Variants in RRAS2 observed in about 807,000 individuals in gnomAD.
RRAS2 encodes the protein RAS related 2.
Under a neutral mutation model 27.6 loss-of-function variants are expected in RRAS2, and 7 were observed. The ratio of observed to expected loss-of-function variants is 0.25; its 90% CI spans 0.14 to 0.48. RRAS2 has a LOEUF of 0.48. Among genes scored for constraint, RRAS2 ranks in the 20% least tolerant of loss-of-function variants. RRAS2 has a pLI of 0.99. For missense variants in RRAS2, 178 were observed against 256.2 expected (o/e 0.69, Z 2.08); for synonymous variants, 86 against 90.9 (o/e 0.95, Z 0.31).
At chr11:14,352,575 C>A (rs1486410951) in intron 1 of RRAS2, among the ~76,000 whole-genome samples, 1 of 152,018 alleles carries the variant, frequency 6.6e-6, no homozygotes. Context: ...ACTGTCTACA[C>A]GCAAAGTGAA....
intron 1 of RRAS2, among the ~76,000 whole-genome samples, chr11:14,352,274 G>C (rs1455847670): frequency 2.0e-5 from 3 of 152,132 alleles, no homozygotes; most frequent in African/African-American, 4.8e-5. Flanking sequence ...TAAACTATAA[G>C]TTAAAGCTGT....
intron 1 of RRAS2, among the ~76,000 whole-genome samples, chr11:14,298,859 G>GT (rs1847626128): frequency 6.6e-6 from 1 of 152,148 alleles, no homozygotes; most frequent in Non-Finnish European, 1.5e-5. Flanking sequence ...CTGTGTGCAG[G>GT]TAACAAATAC....
rs1849130236 is a variant in RRAS2 at position 14,358,466 on chromosome 11, C to G, written c.108+297G>C. 1 of 985,430 alleles carries G rather than the reference C, an allele frequency of 1.0e-6. No individual in the cohort carries two copies. The highest frequency in any genetic ancestry group is 1.2e-6 in the Non-Finnish European group (1 of 829,966). The allele number at this position is 985,430 out of a possible 1,614,324, so 61.0% of individuals were successfully genotyped here. A position where few individuals can be genotyped will look rare whatever the true frequency, so the allele number is the denominator to read the frequency against. On this transcript the variant is annotated intron_variant, in intron 1 of 5. Transcript: ENST00000256196. This position sits in a 1 kb window ranked among gnomAD's most constrained non-coding sequence, Gnocchi z 5.1. ...GTGGCCCAGCCTCTCCCGGAGGTCTCTGGCCTCGGCCAGAGCAATAAGGTG... is the reference window on the plus strand; with the variant it reads ...GTGGCCCAGCCTCTCCCGGAGGTCTGTGGCCTCGGCCAGAGCAATAAGGTG...
At chr11:14,348,807 T>C (rs1215387409) in intron 1 of RRAS2, among the ~76,000 whole-genome samples, 2 of 152,196 alleles carry the variant, frequency 1.3e-5, no homozygotes, top group Non-Finnish European at 2.9e-5. Flanking sequence ...AGAATAGTAT[T>C]AATGGTATTT....
intron 1 of RRAS2, among the ~76,000 whole-genome samples, chr11:14,339,500 T>A (rs1848655354): frequency 2.0e-5 from 3 of 152,304 alleles, no homozygotes; most frequent in African/African-American, 7.2e-5. Flanking sequence ...TTAAATTTGT[T>A]GTAATTTTGT....
At chr11:14,334,038 ATTT>A (rs1164995369) in intron 1 of RRAS2, among the ~76,000 whole-genome samples, 1 of 152,220 alleles carries the variant, frequency 6.6e-6, no homozygotes, top group Non-Finnish European at 1.5e-5. Context: ...GTGATTTCTA[ATTT>A]TTTTAGATTA....
chr11:14,284,726 TATC>T (rs1554944809), intron 4 of RRAS2, among the ~76,000 whole-genome samples: 1 of 152,218 alleles, frequency 6.6e-6, no homozygotes, highest in East Asian at 1.9e-4. Flanking sequence ...TTAATCTCTT[TATC>T]ATTATATAAC....
chr11:14,279,683 C>T (rs1849469032), intron 5 of RRAS2, among the ~76,000 whole-genome samples: 2 of 152,134 alleles, frequency 1.3e-5, no homozygotes, highest in African/African-American at 4.8e-5. Context: ...TCTCTAAGTT[C>T]CCATCCCAAT....
At chr11:14,291,915 TTCTTGGGA>T (rs1554945843) in intron 4 of RRAS2, among the ~76,000 whole-genome samples, 1 of 152,226 alleles carries the variant, frequency 6.6e-6, no homozygotes, top group East Asian at 1.9e-4. Flanking sequence ...ATAATGATGT[TTCTTGGGA>T]ATGGGACCCA....
At chr11:14,326,219 G>A (rs1848354692) in intron 1 of RRAS2, among the ~76,000 whole-genome samples, 2 of 152,194 alleles carry the variant, frequency 1.3e-5, no homozygotes, top group Non-Finnish European at 2.9e-5. Context: ...TGTACCTAAT[G>A]CTATATTTAT....
chr11:14,358,217 T>C lies in RRAS2; in HGVS notation c.108+546A>G, dbSNP rs782535867. 3.8e-4 allele frequency: 377 copies of C among 985,252 alleles called. No individual in the cohort carries two copies. Among genetic ancestry groups the C allele is most frequent in the Non-Finnish European group, 4.4e-4 (363 of 829,874 alleles). 61.0% of individuals were successfully genotyped at this position (985,252 alleles called of 1,614,324 possible). On this transcript the variant is annotated intron_variant, in intron 1 of 5. Transcript: ENST00000256196. This position sits in a 1 kb window ranked among gnomAD's most constrained non-coding sequence, Gnocchi z 5.1. The stretch of plus-strand genomic sequence containing the variant: ...GACATATTACCTAAGAGAGTACTTA[T>C]AAAAAGAGCGTAACACACACACAAA...
At chr11:14,286,937 A>G (rs1175120113) in intron 4 of RRAS2, among the ~76,000 whole-genome samples, 1 of 152,222 alleles carries the variant, frequency 6.6e-6, no homozygotes, top group Non-Finnish European at 1.5e-5. Context: ...CTGTTTTAGG[A>G]AAATTTGACA....
At chr11:14,302,073 T>TACACACACACAC (rs57730782) in intron 1 of RRAS2, among the ~76,000 whole-genome samples, 8,225 of 142,342 alleles carry the variant, frequency 0.058, 342 homozygotes, top group East Asian at 0.08. Context: ...ACCACACACA[T>TACACACACACAC]ACACACACAC....
At chr11:14,347,738 C>A (rs1307888876) in intron 1 of RRAS2, among the ~76,000 whole-genome samples, 2 of 152,062 alleles carry the variant, frequency 1.3e-5, no homozygotes, top group East Asian at 3.9e-4. Flanking sequence ...ATCATTTCAG[C>A]CCAGGAGTTC....
intron 1 of RRAS2, among the ~76,000 whole-genome samples, chr11:14,301,377 T>C (rs903539711): frequency 6.6e-6 from 1 of 152,076 alleles, no homozygotes; most frequent in Non-Finnish European, 1.5e-5. Flanking sequence ...AGAAGGCTGA[T>C]GTTTTTTCTT....
intron 1 of RRAS2, among the ~76,000 whole-genome samples, chr11:14,347,732 T>C (rs1332067321): frequency 3.9e-5 from 6 of 152,038 alleles, no homozygotes; most frequent in Non-Finnish European, 8.8e-5. Context: ...AGGAAGATCA[T>C]TTCAGCCCAG....
chr11:14,294,413 T>G, intron 4 of RRAS2, 58 bp downstream of exon 4: 1 of 1,117,126 alleles, frequency 9.0e-7, no homozygotes, highest in East Asian at 2.4e-5. Context: ...CTTAAATCTA[T>G]CAGTTCACTC....
At chr11:14,310,650 AG>A (rs1188460360) in intron 1 of RRAS2, among the ~76,000 whole-genome samples, 3 of 152,216 alleles carry the variant, frequency 2.0e-5, no homozygotes, top group African/African-American at 7.2e-5. Context: ...AAGGAAAAAA[AG>A]AACTGAAAGA....
At chr11:14,302,291 C>T (rs909406482) in intron 1 of RRAS2, among the ~76,000 whole-genome samples, 39 of 152,258 alleles carry the variant, frequency 2.6e-4, no homozygotes, top group Admixed American at 4.6e-4. Flanking sequence ...TTACTTCTAT[C>T]CATAAAACAC....
Sources: allele counts gnomAD v4.1 joint callset (sites outside exome capture counted in the v4.1 genomes callset), GRCh38; gene constraint gnomAD v4.1.1; non-coding constraint Gnocchi (gnomAD v3.1); transcripts MANE v1.5; gene names NCBI Gene and HGNC (gene_info 2026-07-23, HGNC 2026-07-21).